The following SPIDR variants were observed in gnomAD, a reference collection of about 807,000 sequenced individuals.
SPIDR encodes the protein DNA repair-scaffolding protein.
SPIDR carries 93 observed loss-of-function variants against 104.6 expected under a neutral mutation model. That is an observed-to-expected ratio of 0.89 (90% CI 0.75 to 1.06). The LOEUF (loss-of-function observed/expected upper bound fraction) is 1.06. SPIDR is among the 50% of genes least tolerant of loss of function. The pLI is 0.00. For synonymous variants in SPIDR, 431 were observed against 416.9 expected (o/e 1.03, Z -0.41); for missense variants, 1,154 against 1,111.2 (o/e 1.04, Z -0.55).
At chr8:47,654,172 T>C (rs2072243224) in intron 10 of SPIDR, 1 of 1,289,780 alleles carries the variant, frequency 7.8e-7, no homozygotes, top group Non-Finnish European at 1.0e-6. Context: ...ATTAACTCTA[T>C]TCGATAAGAA....
At chr8:47,470,382 A>G (rs1474170883) in intron 8 of SPIDR, among the ~76,000 whole-genome samples, 1 of 151,968 alleles carries the variant, frequency 6.6e-6, no homozygotes, top group African/African-American at 2.4e-5. Flanking sequence ...TCCACCTCCC[A>G]GATTTAAGCA....
At chr8:47,687,573 A>C (rs1045245542) in intron 11 of SPIDR, among the ~76,000 whole-genome samples, 2 of 152,226 alleles carry the variant, frequency 1.3e-5, no homozygotes, top group African/African-American at 2.4e-5. Context: ...CATATGAAAG[A>C]GGGCATAATT....
At chr8:47,579,117 G>T (rs990573306) in intron 8 of SPIDR, among the ~76,000 whole-genome samples, 2 of 152,166 alleles carry the variant, frequency 1.3e-5, no homozygotes, top group African/African-American at 4.8e-5. Flanking sequence ...GGCTGGGAAG[G>T]TGGGCAGAAT....
At chr8:47,446,858 T>C (rs1175531670) in intron 8 of SPIDR, among the ~76,000 whole-genome samples, 1 of 152,194 alleles carries the variant, frequency 6.6e-6, no homozygotes, top group Non-Finnish European at 1.5e-5. Flanking sequence ...GTGCTGGGAT[T>C]ACAGGTGTGA....
intron 8 of SPIDR, among the ~76,000 whole-genome samples, chr8:47,483,092 C>T (rs553089221): frequency 9.2e-5 from 14 of 152,058 alleles, no homozygotes; most frequent in South Asian, 4.2e-4. Flanking sequence ...CTATAGAGAC[C>T]GTGCTCTTTC....
At chr8:47,502,495 A>G (rs2080680674) in intron 8 of SPIDR, among the ~76,000 whole-genome samples, 1 of 152,040 alleles carries the variant, frequency 6.6e-6, no homozygotes, top group Non-Finnish European at 1.5e-5. Context: ...TACCTCCTTT[A>G]TCATTTTTTA....
intron 11 of SPIDR, among the ~76,000 whole-genome samples, chr8:47,691,003 T>C (rs1214985445): frequency 1.3e-5 from 2 of 151,774 alleles, no homozygotes; most frequent in Non-Finnish European, 2.9e-5. Flanking sequence ...CTGAAAAATA[T>C]CTTGCTGGCT....
At chr8:47,478,455 G>A (rs756947204) in intron 8 of SPIDR, among the ~76,000 whole-genome samples, 1 of 152,180 alleles carries the variant, frequency 6.6e-6, no homozygotes, top group East Asian at 1.9e-4. Flanking sequence ...ACAGACCTCG[G>A]TTATGTTTCA....
chr8:47,694,820 A>T lies in SPIDR; in HGVS notation c.1686-5583A>T, dbSNP rs183070489. ...AATGAGGGCCCAAAGAGGTTTTTTT[A>T]AAAAAAAATATGAGTTAATCAGTAT... On this transcript the variant is annotated intron_variant, in intron 11 of 19. Transcript: ENST00000297423. 4.3e-3 allele frequency among the ~76,000 whole-genome samples: 654 copies of T among 151,398 alleles called. 1 individual carries two copies. The highest frequency in any genetic ancestry group is 6.7e-3 in the Non-Finnish European group (457 of 67,816).
chr8:47,588,652 T>C, intron 8 of SPIDR, among the ~76,000 whole-genome samples: 1 of 152,234 alleles, frequency 6.6e-6, no homozygotes, highest in East Asian at 1.9e-4. Context: ...TTTTCCATCT[T>C]AGGTGGCAAG....
intron 16 of SPIDR, 42 bp from the exon 17 acceptor site, chr8:47,727,158 C>A (rs1042262078): frequency 1.9e-6 from 3 of 1,586,158 alleles, no homozygotes; most frequent in Non-Finnish European, 2.6e-6. Context: ...TCAGAGAGGG[C>A]AGAGCCGCCT....
intron 19 of SPIDR, chr8:47,732,537 A>C (rs866602181): frequency 2.4e-5 from 7 of 291,944 alleles, no homozygotes; most frequent in South Asian, 2.2e-4. Flanking sequence ...GCCTGGAAGT[A>C]GACAACTTAG....
intron 5 of SPIDR, among the ~76,000 whole-genome samples, chr8:47,360,476 A>G (rs2055630333): frequency 6.6e-6 from 1 of 152,132 alleles, no homozygotes; most frequent in Non-Finnish European, 1.5e-5. Context: ...ACTATATTAC[A>G]GAATAAGCTC....
At chr8:47,687,559 C>A (rs2154478264) in intron 11 of SPIDR, among the ~76,000 whole-genome samples, 1 of 152,228 alleles carries the variant, frequency 6.6e-6, no homozygotes, top group African/African-American at 2.4e-5. Context: ...TGAAATATAA[C>A]AAGCATATGA....
At chr8:47,523,151 A>G (rs546016050) in intron 8 of SPIDR, among the ~76,000 whole-genome samples, 68 of 152,046 alleles carry the variant, frequency 4.5e-4, no homozygotes, top group Non-Finnish European at 8.1e-4. Context: ...GCGAGCCACC[A>G]TGCATGGCTT....
At chr8:47,610,245 T>TGCA in intron 10 of SPIDR, among the ~76,000 whole-genome samples, 1 of 152,170 alleles carries the variant, frequency 6.6e-6, no homozygotes, top group Non-Finnish European at 1.5e-5. Flanking sequence ...AGCTGCAATC[T>TGCA]GGAGCAGCAC....
chr8:47,566,282 A>G (rs1050682370), intron 8 of SPIDR, among the ~76,000 whole-genome samples: 22 of 151,882 alleles, frequency 1.4e-4, no homozygotes, highest in Non-Finnish European at 2.1e-4. Flanking sequence ...CTGGGATTAC[A>G]GGCGTGAGCC....
intron 8 of SPIDR, among the ~76,000 whole-genome samples, chr8:47,499,499 C>A (rs1228468292): frequency 2.0e-5 from 3 of 151,684 alleles, no homozygotes; most frequent in Admixed American, 2.0e-4. Flanking sequence ...AATTGAGCAC[C>A]ATGACTTTCA....
At chr8:47,267,121 C>A (rs2034242024) in intron 1 of SPIDR, among the ~76,000 whole-genome samples, 1 of 151,894 alleles carries the variant, frequency 6.6e-6, no homozygotes, top group South Asian at 2.1e-4. Context: ...TTGAAAAATC[C>A]ATTTATTAGT....
Sources: allele counts gnomAD v4.1 joint callset (sites outside exome capture counted in the v4.1 genomes callset), GRCh38; gene constraint gnomAD v4.1.1; transcripts MANE v1.5; gene names NCBI Gene and HGNC (gene_info 2026-07-23, HGNC 2026-07-21).